Variants in ABCG1 observed in about 807,000 individuals in gnomAD.
The protein encoded by ABCG1 is ATP-binding cassette sub-family G member 1.
A neutral mutation model predicts 69.2 loss-of-function variants in ABCG1; 29 were observed. The ratio of observed to expected loss-of-function variants is 0.42; its 90% confidence interval spans 0.31 to 0.57. The LOEUF (loss-of-function observed/expected upper bound fraction) is 0.57, where lower values mean the gene tolerates loss of function less well. ABCG1 is among the 20% of genes least tolerant of loss of function. The probability of loss-of-function intolerance (pLI) is 0.15; values close to 1 mark genes in which losing one functional copy is unlikely to be tolerated. For synonymous variants in ABCG1, 370 were observed against 374.8 expected, an observed-to-expected ratio of 0.99 and a Z score of 0.15; for missense variants, 718 against 898.1, an observed-to-expected ratio of 0.80 and a Z score of 2.56.
At chr21:42,284,197 AAGTCCCCCCG>A (rs2068888425) in intron 6 of ABCG1, among the ~76,000 whole-genome samples, 1 of 94,612 alleles carries the variant, frequency 1.1e-5, no homozygotes, top group Non-Finnish European at 2.1e-5. Context: ...GACAGTTGCA[AAGTCCCCCCG>A]CCCAGATGAG....
At chr21:42,294,504 G>C (rs200283460) in intron 13 of ABCG1, 38 bp from the exon 14 acceptor site, 1 of 1,556,478 alleles carries the variant, frequency 6.4e-7, no homozygotes, top group Non-Finnish European at 8.9e-7. Context: ...CCAGGCTGCA[G>C]GTTCTGCTAC....
chr21:42,204,779 T>C (rs1019790835), intron 2 of ABCG1, among the ~76,000 whole-genome samples: 5 of 152,214 alleles, frequency 3.3e-5, no homozygotes. Flanking sequence ...CTCGAACTCC[T>C]GGGCTCAAGA....
chr21:42,261,422 G>A (rs944290608), intron 2 of ABCG1, among the ~76,000 whole-genome samples: 4 of 152,206 alleles, frequency 2.6e-5, no homozygotes, highest in Non-Finnish European at 5.9e-5. Context: ...CTTCTCCCAT[G>A]AGAAAGGATG....
At position 42,291,476 on chromosome 21, in the gene ABCG1, G is replaced by A; in HGVS notation, c.1495-22G>A. On this transcript the variant is annotated intron_variant, in intron 12 of 14. Coordinates refer to ENST00000398449, the MANE Select transcript of ABCG1 (RefSeq NM_016818.3). This position sits in a 1 kb window ranked among gnomAD's most constrained non-coding sequence, Gnocchi z 6.4. ...GTGGTGGGAAGCGGCTGAGCCCGCGGCTGACGGGTCCTTGTTTCCAGATCA... is the reference window on the plus strand; with the variant it reads ...GTGGTGGGAAGCGGCTGAGCCCGCGACTGACGGGTCCTTGTTTCCAGATCA... 6.3e-7 allele frequency: 1 copy of A among 1,597,528 alleles called. No individual in the cohort carries two copies. Among genetic ancestry groups the A allele is most frequent in the Non-Finnish European group, 8.6e-7 (1 of 1,168,072 alleles).
Position 42,287,768 on chromosome 21 carries a change from C to T in ABCG1, c.974-121C>T, listed in dbSNP as rs952915465. On this transcript the variant is annotated intron_variant, in intron 8 of 14. Coordinates refer to ENST00000398449, the MANE Select transcript of ABCG1 (RefSeq NM_016818.3). The surrounding 1 kb of genome is among the most constrained non-coding windows in gnomAD (Gnocchi z 6.2). ...GATTTTGACGTCATGCCATTAGCAC[C>T]GCCACGCAGCATCTATGTAATCGCT... 139 of 1,031,722 alleles carry T rather than the reference C, an allele frequency of 1.3e-4. No homozygotes were observed. The highest frequency in any genetic ancestry group is 6.1e-4 in the African/African-American group (38 of 62,582). The allele number at this position is 1,031,722 out of a possible 1,614,324, so 63.9% of individuals were successfully genotyped here.
intron 2 of ABCG1, among the ~76,000 whole-genome samples, chr21:42,262,664 G>A (rs891069203): frequency 5.9e-5 from 9 of 152,352 alleles, no homozygotes; most frequent in South Asian, 2.1e-4. Flanking sequence ...ACCGCTCTGC[G>A]GGGCCTGGCA....
chr21:42,213,235 G>A (rs551017801), upstream of ABCG1, among the ~76,000 whole-genome samples: 77 of 152,228 alleles, frequency 5.1e-4, no homozygotes, highest in Non-Finnish European at 9.6e-4. Flanking sequence ...CCAGGGTGCC[G>A]AGGTCTGGGG....
intron 3 of ABCG1, among the ~76,000 whole-genome samples, chr21:42,272,511 C>T (rs1273800066): frequency 6.6e-6 from 1 of 152,248 alleles, no homozygotes; most frequent in African/African-American, 2.4e-5. Context: ...CATTAGTCTC[C>T]GTAGATTCGC....
intron 2 of ABCG1, among the ~76,000 whole-genome samples, chr21:42,250,687 C>G (rs2068205934): frequency 6.6e-6 from 1 of 152,248 alleles, no homozygotes; most frequent in Admixed American, 6.5e-5. Context: ...TGTGTGAGGT[C>G]AGGGTCTCTC....
intron 2 of ABCG1, among the ~76,000 whole-genome samples, chr21:42,255,814 T>C (rs558876179): frequency 6.6e-6 from 1 of 152,308 alleles, no homozygotes; most frequent in South Asian, 2.1e-4. Flanking sequence ...TCTCCAGTTC[T>C]CCTGCCGTGG....
At position 42,275,679 on chromosome 21, in the gene ABCG1, C is replaced by T. The variant is rs564536485; in HGVS notation, c.538-1216C>T. On this transcript the variant is annotated intron_variant, in intron 4 of 14. Transcript: ENST00000398449. ...GACTCCTGCTGTCCTCTCCCAACCTCGCCACCGAACCTGCTGTGAAATGAT... is the reference window on the plus strand; with the variant it reads ...GACTCCTGCTGTCCTCTCCCAACCTTGCCACCGAACCTGCTGTGAAATGAT... 2.6e-5 allele frequency among the ~76,000 whole-genome samples: 4 copies of T among 152,316 alleles called. No individual in the cohort carries two copies. In the South Asian group the frequency reaches 6.2e-4, roughly 24 times the overall value.
chr21:42,203,171 G>A (rs10084554), intron 2 of ABCG1, among the ~76,000 whole-genome samples: 3 of 151,898 alleles, frequency 2.0e-5, no homozygotes, highest in Non-Finnish European at 4.4e-5. Context: ...GTAGAACATT[G>A]GAGAATTTTG....
chr21:42,283,810 C>T (rs1184519127), intron 6 of ABCG1, among the ~76,000 whole-genome samples: 2 of 88,706 alleles, frequency 2.3e-5, no homozygotes, highest in Non-Finnish European at 4.7e-5. Flanking sequence ...ACCCCCCCAC[C>T]TCTGTCCCGC....
In ABCG1 at chr21:42,295,059, G is replaced by A. The variant is rs3788008; in HGVS notation, c.1772+399G>A. On this transcript the variant is annotated intron_variant, in intron 14 of 14. Transcript: ENST00000398449. ...GTGGGAGTCAGGCGTGGTGGCTCAT[G>A]TCTGTAATCCCAGCACTTTGGGAGG... 225 of 196,646 alleles carry A rather than the reference G, an allele frequency of 1.1e-3. 2 individuals are homozygous for A. The East Asian group carries it at 0.028, about 24-fold the overall frequency. 12.2% of individuals were successfully genotyped at this position (196,646 alleles called of 1,614,324 possible). A position where few individuals can be genotyped will look rare whatever the true frequency, so the allele number is the denominator to read the frequency against.
chr21:42,214,563 A>T (rs1440828012), upstream of ABCG1, among the ~76,000 whole-genome samples: 1 of 152,248 alleles, frequency 6.6e-6, no homozygotes, highest in African/African-American at 2.4e-5. Context: ...CGTCTCGAGC[A>T]TGAGCACCTG....
At chr21:42,244,127 G>A (rs2123613691) in intron 2 of ABCG1, among the ~76,000 whole-genome samples, 1 of 152,186 alleles carries the variant, frequency 6.6e-6, no homozygotes, top group Non-Finnish European at 1.5e-5. Context: ...CCTATCTTTG[G>A]CTTTAAAAAA....
intron 2 of ABCG1, among the ~76,000 whole-genome samples, chr21:42,235,636 A>C (rs2067968448): frequency 6.6e-6 from 1 of 152,142 alleles, no homozygotes; most frequent in Admixed American, 6.5e-5. Context: ...ATTTTTTTCT[A>C]ATTGGTTAAG....
intron 2 of ABCG1, among the ~76,000 whole-genome samples, chr21:42,269,719 T>C (rs1302427538): frequency 1.3e-5 from 2 of 152,140 alleles, no homozygotes; most frequent in Non-Finnish European, 2.9e-5. Flanking sequence ...TGGTGGCAGG[T>C]TGGCATTTTC....
chr21:42,235,767 T>C (rs1050452293), intron 2 of ABCG1, among the ~76,000 whole-genome samples: 2 of 152,186 alleles, frequency 1.3e-5, no homozygotes, highest in African/African-American at 2.4e-5. Flanking sequence ...AAATGCTTCG[T>C]ATCAGACTTA....
Sources: allele counts gnomAD v4.1 joint callset (sites outside exome capture counted in the v4.1 genomes callset), GRCh38; gene constraint gnomAD v4.1.1; non-coding constraint Gnocchi (gnomAD v3.1); transcripts MANE v1.5; gene names NCBI Gene and HGNC (gene_info 2026-07-23, HGNC 2026-07-21).